The following PRPF8 variants were observed in gnomAD, a reference collection of about 807,000 sequenced individuals.
PRPF8 encodes pre-mRNA-processing-splicing factor 8.
PRPF8 carries 64 observed loss-of-function variants against 285.9 expected under a neutral mutation model. The observed-to-expected ratio is 0.22, with a 90% CI of 0.18 to 0.28. PRPF8 has a LOEUF of 0.28. Ranked by LOEUF, PRPF8 falls within the 10% of genes least tolerant of loss-of-function variation. The pLI is 1.00. For synonymous variants in PRPF8, 1,325 were observed against 1,118.2 expected (o/e 1.18, Z -3.69); for missense variants, 1,426 against 3,026.7 (o/e 0.47, Z 12.41).
chr17:1,678,876 T>C lies in PRPF8; in HGVS notation c.1605A>G (p.Arg535=), dbSNP rs201893677. The C allele has an allele frequency of 3.7e-6, 6 of 1,614,178 alleles. No individual in the cohort carries two copies. In the African/African-American group the frequency reaches 4.0e-5, roughly 11 times the overall value. The change falls in exon 12 of 43, where the codon AGA becomes AGG. Residue 535 remains arginine, a synonymous_variant. Coordinates refer to ENST00000304992, the MANE Select transcript of PRPF8 (RefSeq NM_006445.4). ...AAGCATTCCCAAAACGAGATTTCTTTCTTTCCTGGAGAAGATGCAAAAAAC... is the reference window on the plus strand; with the variant it reads ...AAGCATTCCCAAAACGAGATTTCTTCCTTTCCTGGAGAAGATGCAAAAAAC... ...KPVKTLTTKE[R]KKSRFGNAFH...
At chr17:1,655,883 C>G (rs947873511) in intron 36 of PRPF8, among the ~76,000 whole-genome samples, 6 of 151,434 alleles carry the variant, frequency 4.0e-5, no homozygotes, top group Non-Finnish European at 8.8e-5. Context: ...CCTCGGCCTC[C>G]CAAAGTGCTG....
chr17:1,660,141 T>C lies in PRPF8; in HGVS notation c.4786-140A>G, dbSNP rs1004968660. 6.2e-6 allele frequency: 7 copies of C among 1,131,932 alleles called. No individual in the cohort carries two copies. The African/African-American group carries it at 7.6e-5, about 12-fold the overall frequency. 70.1% of individuals were successfully genotyped at this position (1,131,932 alleles called of 1,614,324 possible). ...ATTTCCCATATGCAAAAGAGCAAGC[T>C]GAGCTGACTCTGTACAGCACGCTCT... On this transcript the variant is annotated intron_variant, in intron 30 of 42. Transcript: ENST00000304992.
Position 1,676,971 on chromosome 17 carries a change from C to G in PRPF8, c.2181+5G>C, listed in dbSNP as rs747396457. The G allele has an allele frequency of 3.1e-6, 5 of 1,613,526 alleles. No individual in the cohort carries two copies. In the Admixed American group the frequency reaches 8.3e-5, roughly 27 times the overall value. On this transcript the variant is annotated splice_donor_5th_base_variant and intron_variant, in intron 15 of 42. Coordinates refer to ENST00000304992, the MANE Select transcript of PRPF8 (RefSeq NM_006445.4). This position sits in a 1 kb window ranked among gnomAD's most constrained non-coding sequence, Gnocchi z 6.3. ...ACGCCTCCAAGGAAATAAAGAGACA[C>G]CCACCTTCCAGGGAATGTTGGCTTT...
chr17:1,679,259 G>C lies in PRPF8; in HGVS notation c.1409+32C>G, dbSNP rs988106713. 1 of 1,614,224 alleles carries C rather than the reference G, an allele frequency of 6.2e-7. No homozygotes were observed. Among genetic ancestry groups the C allele is most frequent in the South Asian group, 1.1e-5 (1 of 91,082 alleles). On this transcript the variant is annotated intron_variant, in intron 10 of 42. Coordinates refer to ENST00000304992, the MANE Select transcript of PRPF8 (RefSeq NM_006445.4). The surrounding 1 kb of genome is among the most constrained non-coding windows in gnomAD (Gnocchi z 4.7). ...TCAGCCTACTGATATCTCTGGAACA[G>C]AAGTCTGCGCAGGGCCCCTGGGGCA...
intron 2 of PRPF8, among the ~76,000 whole-genome samples, 173 bp downstream of exon 2, chr17:1,684,299 A>G (rs1913107048): frequency 6.6e-6 from 1 of 152,264 alleles, no homozygotes; most frequent in East Asian, 1.9e-4. Context: ...CCCCCGCTGG[A>G]TCAGCGCTTG....
intron 24 of PRPF8, among the ~76,000 whole-genome samples, chr17:1,671,120 T>C (rs773239392): frequency 1.3e-5 from 2 of 152,178 alleles, no homozygotes; most frequent in Non-Finnish European, 2.9e-5. Flanking sequence ...CATGGTCCCA[T>C]GTACACAAGC....
At position 1,681,494 on chromosome 17, in the gene PRPF8, G is replaced by A. The variant is rs754976808; in HGVS notation, c.850C>T (p.Arg284Ter). The A allele has an allele frequency of 1.3e-6, 2 of 1,599,114 alleles. No homozygotes were observed. Among genetic ancestry groups the A allele is most frequent in the Non-Finnish European group, 1.7e-6 (2 of 1,166,432 alleles). Residue 284 changes from arginine (R) to a stop codon, truncating the protein, a stop_gained, in exon 6 of 43, where the codon CGA becomes TGA. Coordinates refer to ENST00000304992, the MANE Select transcript of PRPF8 (RefSeq NM_006445.4). LOFTEE classifies it high-confidence loss of function. ...PGGPKFEPLVRDINLQDEDWN... is the reference protein window; with the variant it reads ...PGGPKFEPLV Reference sequence around the variant, plus strand: ...CCAACTCACTGTAGGTTGATGTCTCGAACAAGAGGTTCAAATTTGGGGCCT... The same window carrying A: ...CCAACTCACTGTAGGTTGATGTCTCAAACAAGAGGTTCAAATTTGGGGCCT...
intron 3 of PRPF8, chr17:1,683,059 G>GA: frequency 5.4e-6 from 1 of 185,230 alleles, no homozygotes. Context: ...GCAGTGGTGT[G>GA]ATCTCGGCTC....
chr17:1,663,189 A>C (rs1911770392), intron 24 of PRPF8, among the ~76,000 whole-genome samples: 1 of 152,194 alleles, frequency 6.6e-6, no homozygotes, highest in African/African-American at 2.4e-5. Context: ...TAAACCTTAG[A>C]GCAAACAATA....
chr17:1,660,057 A>C lies in PRPF8; in HGVS notation c.4786-56T>G. 1.9e-6 allele frequency: 3 copies of C among 1,569,872 alleles called. No homozygotes were observed. The South Asian group carries it at 3.3e-5, about 17-fold the overall frequency. On this transcript the variant is annotated intron_variant, in intron 30 of 42. Transcript: ENST00000304992. ...GTTAAGGAAGCCCAATTAAAATCAGAGTTTGTACAATAAGATAATGAGGCA... is the reference window on the plus strand; with the variant it reads ...GTTAAGGAAGCCCAATTAAAATCAGCGTTTGTACAATAAGATAATGAGGCA...
intron 6 of PRPF8, 50 bp from the exon 7 acceptor site, chr17:1,681,104 G>C: frequency 6.4e-7 from 1 of 1,568,538 alleles, no homozygotes; most frequent in Non-Finnish European, 8.8e-7. Flanking sequence ...TTGAGACAGG[G>C]TCTCACTCTT....
At position 1,683,721 on chromosome 17, in the gene PRPF8, T is replaced by TA; in HGVS notation, c.101-21dup. ...TTCGAGCTGGAAAGGCACCTCAGTT[T>TA]AAAGGCCTGCACACCCTCCCCCTAA... On this transcript the variant is annotated intron_variant, in intron 2 of 42. Transcript: ENST00000304992. 1 of 1,613,216 alleles carries TA rather than the reference T, an allele frequency of 6.2e-7. No homozygotes were observed. Among genetic ancestry groups the TA allele is most frequent in the Non-Finnish European group, 8.5e-7 (1 of 1,179,958 alleles).
Position 1,653,625 on chromosome 17 carries a change from C to T in PRPF8, c.6286G>A (p.Asp2096Asn), listed in dbSNP as rs1911198039. 1.2e-6 allele frequency: 2 copies of T among 1,614,144 alleles called. No individual in the cohort carries two copies. The highest frequency in any genetic ancestry group is 1.7e-6 in the Non-Finnish European group (2 of 1,180,028). ...TAGGTGTAGCCAGTCTCCTTGATGT[C>T]GTCAGATGAAACATAGATGTGATTG... ...RTNHIYVSSD[D>N]IKETGYTYIL... The change falls in exon 39 of 43, where the codon GAC becomes AAC. Residue 2096 changes from aspartate (D) to asparagine (N), a missense_variant. Transcript: ENST00000304992. The surrounding 1 kb of genome is among the most constrained non-coding windows in gnomAD (Gnocchi z 4.9).
Position 1,675,460 on chromosome 17 carries a change from T to C in PRPF8, c.2873-121A>G. 1 of 1,447,992 alleles carries C rather than the reference T, an allele frequency of 6.9e-7. No homozygotes were observed. The highest frequency in any genetic ancestry group is 1.1e-5 in the South Asian group (1 of 87,700). 89.7% of individuals were successfully genotyped at this position (1,447,992 alleles called of 1,614,324 possible). A position where few individuals can be genotyped will look rare whatever the true frequency, so the allele number is the denominator to read the frequency against. ...TATGATTCCACGTATTCATTTGGATTGCTTTGACTATGGGCTTTTCCTCAG... is the reference window on the plus strand; with the variant it reads ...TATGATTCCACGTATTCATTTGGATCGCTTTGACTATGGGCTTTTCCTCAG... On this transcript the variant is annotated intron_variant, in intron 19 of 42. Transcript: ENST00000304992. The surrounding 1 kb of genome is among the most constrained non-coding windows in gnomAD (Gnocchi z 6.0).
intron 2 of PRPF8, 138 bp downstream of exon 2, chr17:1,684,334 T>C (rs549609822): frequency 1.5e-5 from 13 of 894,820 alleles, no homozygotes; most frequent in East Asian, 2.6e-5. Context: ...TTAAAATGAC[T>C]TGATGAAAAA....
In PRPF8 at chr17:1,676,770, T is replaced by C; in HGVS notation, c.2182-59A>G. On this transcript the variant is annotated intron_variant, in intron 15 of 42. Transcript: ENST00000304992. The surrounding 1 kb of genome is among the most constrained non-coding windows in gnomAD (Gnocchi z 6.3). Reference sequence around the variant, plus strand: ...CCAGCCAGGCACTGTGGCACACATCTGTAGTCCCGGCTACTCAGGAGGCTA... The same window carrying C: ...CCAGCCAGGCACTGTGGCACACATCCGTAGTCCCGGCTACTCAGGAGGCTA... The C allele has an allele frequency of 6.3e-7, 1 of 1,587,552 alleles. No homozygotes were observed. The highest frequency in any genetic ancestry group is 8.6e-7 in the Non-Finnish European group (1 of 1,160,268).
rs756474188 is a variant in PRPF8 at position 1,659,528 on chromosome 17, G to C, written c.4967C>G (p.Thr1656Ser). Residue 1656 changes from threonine (T) to serine (S), a missense_variant, in exon 32 of 43, where the codon ACC becomes AGC. By Grantham distance (58) the Thr-to-Ser change is moderately conservative. This residue lies in a region of PRPF8 where 74 missense variants were observed against 161.8 expected (regional missense o/e 0.46). Coordinates refer to ENST00000304992, the MANE Select transcript of PRPF8 (RefSeq NM_006445.4). This position sits in a 1 kb window ranked among gnomAD's most constrained non-coding sequence, Gnocchi z 5.1. ...GATGTCAATCCAGTATTTCTGGGTGGTGGTGCTGTCCATCACATCCCTGAG... is the reference window on the plus strand; with the variant it reads ...GATGTCAATCCAGTATTTCTGGGTGCTGGTGCTGTCCATCACATCCCTGAG... Reference protein sequence around the residue: ...ADSKDVMDSTTTQKYWIDIQL... With the variant: ...ADSKDVMDSTSTQKYWIDIQL... 1 of 1,614,136 alleles carries C rather than the reference G, an allele frequency of 6.2e-7. No individual in the cohort carries two copies. Among genetic ancestry groups the C allele is most frequent in the Admixed American group, 1.7e-5 (1 of 59,996 alleles).
intron 24 of PRPF8, 149 bp downstream of exon 24, chr17:1,672,932 C>T: frequency 1.3e-6 from 1 of 782,184 alleles, no homozygotes; most frequent in Non-Finnish European, 2.3e-6. Flanking sequence ...ACCTGACATA[C>T]TATAAGCCAC....
At position 1,679,802 on chromosome 17, in the gene PRPF8, G is replaced by A; in HGVS notation, c.1099-3C>T. On this transcript the variant is annotated splice_polypyrimidine_tract_variant and splice_region_variant and intron_variant, in intron 8 of 42. Coordinates refer to ENST00000304992, the MANE Select transcript of PRPF8 (RefSeq NM_006445.4). The surrounding 1 kb of genome is among the most constrained non-coding windows in gnomAD (Gnocchi z 4.7). ...TCATCCGGCAATGGTTCCTGGCTCT[G>A]AAAAAGGAATCCCTCTAAGGGTTTA... The A allele has an allele frequency of 6.2e-7, 1 of 1,614,176 alleles. No homozygotes were observed. The highest frequency in any genetic ancestry group is 1.3e-5 in the African/African-American group (1 of 75,052).
Sources: allele counts gnomAD v4.1 joint callset (sites outside exome capture counted in the v4.1 genomes callset), GRCh38; gene constraint gnomAD v4.1.1; regional missense constraint gnomAD v4.1.1; non-coding constraint Gnocchi (gnomAD v3.1); transcripts MANE v1.5; gene names NCBI Gene and HGNC (gene_info 2026-07-23, HGNC 2026-07-21).